Variants in ROBO2 observed in about 807,000 individuals in gnomAD.
ROBO2 encodes roundabout homolog 2.
A neutral mutation model predicts 160.8 loss-of-function variants in ROBO2; 53 were observed. The ratio of observed to expected loss-of-function variants is 0.33; its 90% CI spans 0.26 to 0.41. The LOEUF (loss-of-function observed/expected upper bound fraction) is 0.41, where lower values mean the gene tolerates loss of function less well. ROBO2 is among the 10% of genes least tolerant of loss of function. The pLI is 1.00. For missense variants in ROBO2, 1,577 were observed against 1,722.4 expected (o/e 0.92, Z 1.49); for synonymous variants, 664 against 611.7 (o/e 1.09, Z -1.26).
chr3:76,498,572 AT>A (rs1361061150), intron 2 of ROBO2, among the ~76,000 whole-genome samples: 1 of 151,676 alleles, frequency 6.6e-6, no homozygotes, highest in African/African-American at 2.4e-5. Flanking sequence ...GAAATACATA[AT>A]TTTTGTCAAT....
intron 2 of ROBO2, among the ~76,000 whole-genome samples, chr3:76,314,609 T>C (rs559373281): frequency 1.3e-5 from 2 of 152,190 alleles, no homozygotes; most frequent in South Asian, 4.2e-4. Context: ...TGTGAAGACA[T>C]GAGGATGAAG....
intron 2 of ROBO2, among the ~76,000 whole-genome samples, chr3:77,006,371 C>T (rs1354559399): frequency 6.7e-6 from 1 of 149,130 alleles, no homozygotes; most frequent in Non-Finnish European, 1.5e-5. Context: ...TTAGAAATCC[C>T]CTTGAAAAGT....
At chr3:76,470,796 C>A (rs2078615739) in intron 2 of ROBO2, among the ~76,000 whole-genome samples, 1 of 152,094 alleles carries the variant, frequency 6.6e-6, no homozygotes, top group South Asian at 2.1e-4. Context: ...TTGCTACCAT[C>A]TGTGTTACTT....
intron 2 of ROBO2, among the ~76,000 whole-genome samples, chr3:76,198,382 C>T (rs1027263813): frequency 6.6e-6 from 1 of 152,154 alleles, no homozygotes; most frequent in Non-Finnish European, 1.5e-5. Flanking sequence ...ACAAAATAGA[C>T]TCTGCAGCAA....
chr3:77,634,939 C>A, exon 24 of ROBO2: 1 of 1,614,140 alleles, frequency 6.2e-7, no homozygotes, highest in Non-Finnish European at 8.5e-7. Context: ...AACACCAGTG[C>A]AGCCCTGAGT....
At chr3:76,318,557 A>G (rs907415667) in intron 2 of ROBO2, among the ~76,000 whole-genome samples, 1 of 152,134 alleles carries the variant, frequency 6.6e-6, no homozygotes, top group Non-Finnish European at 1.5e-5. Context: ...AAAAACTGAG[A>G]TAAATTGACA....
In ROBO2 at chr3:76,175,185, C is replaced by T. The variant is rs569851876; in HGVS notation, c.109+237583C>T. ...CTTGTCTATTATTGGTGTATAGGAA[C>T]GCTTGTGATTTTTGGACATTGATTT... On this transcript the variant is annotated intron_variant, in intron 2 of 26. Transcript: ENST00000487694. Among the ~76,000 whole-genome samples, 229 of 151,690 alleles carry T rather than the reference C, an allele frequency of 1.5e-3. 1 individual carries two copies. Among genetic ancestry groups the T allele is most frequent in the African/African-American group, 5.2e-3 (216 of 41,390 alleles).
intron 2 of ROBO2, among the ~76,000 whole-genome samples, chr3:76,073,140 G>A (rs2068517673): frequency 6.6e-6 from 1 of 151,964 alleles, no homozygotes; most frequent in Admixed American, 6.6e-5. Context: ...TGTAGGGGAG[G>A]CTGCTCTCCA....
rs372954752 is a variant in ROBO2, at chr3:77,070,405, A to AGT, written c.62-27597_62-27596dup. Among the ~76,000 whole-genome samples, 335 of 151,794 alleles carry AGT rather than the reference A, an allele frequency of 2.2e-3. 3 individuals are homozygous for AGT. Among genetic ancestry groups the AGT allele is most frequent in the African/African-American group, 7.5e-3 (309 of 41,422 alleles). On this transcript the variant is annotated intron_variant, in intron 1 of 25. Coordinates refer to ENST00000461745, the Ensembl canonical transcript of ROBO2. ...TTCACATGGACTTTTCCACTGTGTG[A>AGT]GTGTGTGTGTGTGCGTGTGTGTGTC...
chr3:77,498,145 A>T (rs2087049923), intron 5 of ROBO2, among the ~76,000 whole-genome samples: 1 of 152,136 alleles, frequency 6.6e-6, no homozygotes, highest in South Asian at 2.1e-4. Flanking sequence ...CTCATCAATC[A>T]TATAACTTTC....
chr3:76,991,551 G>A (rs1559810781), intron 2 of ROBO2, among the ~76,000 whole-genome samples: 3 of 152,094 alleles, frequency 2.0e-5, no homozygotes, highest in East Asian at 1.9e-4. Context: ...GTTGTGTGTT[G>A]TTTTGCTTTT....
At chr3:76,273,709 C>T (rs189778949) in intron 2 of ROBO2, among the ~76,000 whole-genome samples, 6 of 152,224 alleles carry the variant, frequency 3.9e-5, no homozygotes, top group East Asian at 3.9e-4. Flanking sequence ...AACTCACTCA[C>T]GATCATGAGC....
chr3:76,963,878 AAAAG>A (rs2079863913), intron 2 of ROBO2, among the ~76,000 whole-genome samples: 1 of 151,688 alleles, frequency 6.6e-6, no homozygotes, highest in East Asian at 1.9e-4. Flanking sequence ...AATAAAAAGA[AAAAG>A]AAAAAGAAAA....
chr3:77,088,813 AC>A (rs2069710896), intron 1 of ROBO2, among the ~76,000 whole-genome samples: 1 of 152,206 alleles, frequency 6.6e-6, no homozygotes, highest in South Asian at 2.1e-4. Context: ...ACAAAGGCCA[AC>A]TTTTGTAATC....
intron 2 of ROBO2, among the ~76,000 whole-genome samples, chr3:76,121,075 T>C (rs1295069999): frequency 1.3e-5 from 2 of 152,138 alleles, no homozygotes; most frequent in Non-Finnish European, 2.9e-5. Context: ...ACAAGATTTG[T>C]ATTCCAAGGA....
At chr3:77,417,215 G>T (rs938681511) in intron 2 of ROBO2, among the ~76,000 whole-genome samples, 2 of 143,462 alleles carry the variant, frequency 1.4e-5, no homozygotes, top group African/African-American at 5.3e-5. Flanking sequence ...TTTAATGCAG[G>T]GTAGCAGGGT....
At chr3:77,055,368 C>T (rs1359805015) in intron 1 of ROBO2, among the ~76,000 whole-genome samples, 1 of 152,116 alleles carries the variant, frequency 6.6e-6, no homozygotes, top group African/African-American at 2.4e-5. Flanking sequence ...CTTTCATTCT[C>T]ATAATAGTCT....
intron 2 of ROBO2, among the ~76,000 whole-genome samples, chr3:76,969,334 A>G (rs984595890): frequency 1.3e-5 from 2 of 152,194 alleles, no homozygotes; most frequent in Non-Finnish European, 2.9e-5. Flanking sequence ...TTCTCTCATT[A>G]TACTAAATCA....
intron 2 of ROBO2, among the ~76,000 whole-genome samples, chr3:77,358,780 C>T (rs2069500223): frequency 6.6e-6 from 1 of 152,062 alleles, no homozygotes; most frequent in Admixed American, 6.6e-5. Context: ...AATAAAGAAA[C>T]CAGTGGAAGA....
Sources: gnomAD v4.1 joint callset for allele counts (sites outside exome capture counted in the v4.1 genomes callset) on GRCh38, gnomAD v4.1.1 for gene constraint, MANE v1.5 for transcripts, NCBI Gene and HGNC (gene_info 2026-07-23, HGNC 2026-07-21) for gene names.